Variants in EZH2 observed in about 807,000 individuals in gnomAD.
EZH2 encodes the protein enhancer of zeste 2 polycomb repressive complex 2 subunit, also known as histone-lysine N-methyltransferase EZH2.
A neutral mutation model predicts 98.4 loss-of-function variants in EZH2; 18 were observed. The ratio of observed to expected loss-of-function variants is 0.18; its 90% CI spans 0.13 to 0.27. EZH2 has a LOEUF of 0.27. Ranked by LOEUF, EZH2 falls within the 10% of genes least tolerant of loss-of-function variation. The probability of loss-of-function intolerance (pLI) is 1.00; values close to 1 mark genes in which losing one functional copy is unlikely to be tolerated. For synonymous variants in EZH2, 338 were observed against 312.3 expected (o/e 1.08, Z -0.87); for missense variants, 470 against 935.1 (o/e 0.50, Z 6.49).
chr7:148,830,755 T>C (rs954229181), intron 4 of EZH2, among the ~76,000 whole-genome samples: 1 of 152,156 alleles, frequency 6.6e-6, no homozygotes, highest in African/African-American at 2.4e-5. Flanking sequence ...AAACAAAAGT[T>C]AAGACAGAAT....
intron 1 of EZH2, among the ~76,000 whole-genome samples, chr7:148,875,467 A>C (rs1447126841): frequency 6.6e-6 from 1 of 152,224 alleles, no homozygotes; most frequent in Non-Finnish European, 1.5e-5. Flanking sequence ...GCTTGAACCA[A>C]AAAAAGTACA....
At chr7:148,855,897 C>CAAAA (rs34692092) in intron 1 of EZH2, among the ~76,000 whole-genome samples, 33 of 40,912 alleles carry the variant, frequency 8.1e-4, no homozygotes, top group Admixed American at 1.8e-3. Context: ...GACTCCATCT[C>CAAAA]AAAAAAAAAA....
At chr7:148,861,836 G>A (rs1371038309) in intron 1 of EZH2, among the ~76,000 whole-genome samples, 1 of 151,258 alleles carries the variant, frequency 6.6e-6, no homozygotes, top group Non-Finnish European at 1.5e-5. Flanking sequence ...TTAGTAAGTG[G>A]TGCTTTACAT....
chr7:148,877,542 C>CAGAT (rs1330508728), intron 1 of EZH2, among the ~76,000 whole-genome samples: 1 of 152,200 alleles, frequency 6.6e-6, no homozygotes, highest in East Asian at 1.9e-4. Context: ...ACCACCTTAT[C>CAGAT]AGATGTTATC....
At chr7:148,842,279 T>G (rs572212673) in intron 3 of EZH2, among the ~76,000 whole-genome samples, 1 of 152,246 alleles carries the variant, frequency 6.6e-6, no homozygotes, top group South Asian at 2.1e-4. Context: ...TGATATGAAG[T>G]CAGTGAAGGA....
rs1807759901 is a variant in EZH2, at chr7:148,826,464, C to T, written c.897G>A (p.Lys299=). The change falls in exon 8 of 20, where the codon AAG becomes AAA. Residue 299 remains lysine (K), a synonymous_variant. Transcript: ENST00000320356. ...AAAATGAAAACGTACAATAATTGCA[C>T]TTACGATGTAGGAAGCAGTCATATT... ...CFKYDCFLHR[K]CNYSFHATPN... 6.3e-7 allele frequency: 1 copy of T among 1,578,036 alleles called. No individual in the cohort carries two copies. The highest frequency in any genetic ancestry group is 8.6e-7 in the Non-Finnish European group (1 of 1,160,258).
chr7:148,842,739 CA>C (rs376533541), intron 3 of EZH2, among the ~76,000 whole-genome samples: 5 of 146,074 alleles, frequency 3.4e-5, no homozygotes, highest in Non-Finnish European at 6.1e-5. Context: ...ATCTCAAAAA[CA>C]AAAAAAAAAG....
intron 1 of EZH2, among the ~76,000 whole-genome samples, chr7:148,874,732 T>C (rs1349621496): frequency 6.6e-6 from 1 of 152,076 alleles, no homozygotes; most frequent in Non-Finnish European, 1.5e-5. Flanking sequence ...AAATAGTGTA[T>C]AGAAACCAAG....
rs555665827 is a variant in EZH2 at position 148,881,827 on chromosome 7, G to A, written c.-8+2337C>T. ...TGCGTGCCTGTAGTTCCAGCTACTC[G>A]GGAGGCTGAGGCAGGGGAATTCCTT... On this transcript the variant is annotated intron_variant, in intron 1 of 19. Coordinates refer to ENST00000320356, the MANE Select transcript of EZH2 (RefSeq NM_004456.5). 2.6e-5 allele frequency among the ~76,000 whole-genome samples: 4 copies of A among 151,680 alleles called. No individual in the cohort carries two copies. In the South Asian group the frequency reaches 6.3e-4, roughly 24 times the overall value.
chr7:148,863,576 C>T (rs2129488667), intron 1 of EZH2, among the ~76,000 whole-genome samples: 1 of 152,272 alleles, frequency 6.6e-6, no homozygotes, highest in South Asian at 2.1e-4. Flanking sequence ...AACCATCTCC[C>T]TAAATACTCA....
intron 4 of EZH2, 91 bp from the exon 5 acceptor site, chr7:148,829,939 G>C: frequency 1.1e-6 from 1 of 904,078 alleles, no homozygotes; most frequent in Non-Finnish European, 1.6e-6. Flanking sequence ...ATGTGTACAT[G>C]TCTTTACCCA....
chr7:148,824,435 T>C (rs753897400), intron 8 of EZH2, among the ~76,000 whole-genome samples: 3 of 152,226 alleles, frequency 2.0e-5, no homozygotes, highest in Non-Finnish European at 4.4e-5. Flanking sequence ...GTATTTTTAC[T>C]GTATATTTTC....
chr7:148,811,807 C>T, intron 15 of EZH2, 87 bp from the exon 16 acceptor site: 1 of 1,147,338 alleles, frequency 8.7e-7, no homozygotes, highest in Non-Finnish European at 1.3e-6. Flanking sequence ...AAAACAAAAG[C>T]TATCACTGTA....
chr7:148,812,697 G>A lies in EZH2; in HGVS notation c.1852-977C>T, dbSNP rs116855240. Among the ~76,000 whole-genome samples, 631 of 152,284 alleles carry A rather than the reference G, an allele frequency of 4.1e-3. 2 individuals carry two copies. The highest frequency in any genetic ancestry group is 6.6e-3 in the Non-Finnish European group (451 of 68,032). On this transcript the variant is annotated intron_variant, in intron 15 of 19. Coordinates refer to ENST00000320356, the MANE Select transcript of EZH2 (RefSeq NM_004456.5). ...AAGTGAGGAAGGAGTACAATGGTAA[G>A]TTGTTTGGGGGGGAAATTGAGATTT...
At chr7:148,883,037 A>AC (rs757969637) in intron 1 of EZH2, among the ~76,000 whole-genome samples, 3 of 152,144 alleles carry the variant, frequency 2.0e-5, no homozygotes, top group Non-Finnish European at 2.9e-5. Flanking sequence ...TACTTCTACC[A>AC]CCTCATCCTC....
intron 1 of EZH2, among the ~76,000 whole-genome samples, chr7:148,862,895 GTTT>G (rs914743757): frequency 2.0e-5 from 3 of 149,542 alleles, no homozygotes; most frequent in Admixed American, 6.8e-5. Context: ...GTCCAACATG[GTTT>G]TTTTGTTTGT....
At chr7:148,858,022 GTGGCT>G (rs1346351966) in intron 1 of EZH2, among the ~76,000 whole-genome samples, 1 of 151,184 alleles carries the variant, frequency 6.6e-6, no homozygotes, top group East Asian at 1.9e-4. Flanking sequence ...GCCAGGCGCA[GTGGCT>G]CACGCCTATA....
intron 6 of EZH2, among the ~76,000 whole-genome samples, chr7:148,828,307 T>C (rs534924894): frequency 6.6e-6 from 1 of 152,288 alleles, no homozygotes; most frequent in East Asian, 1.9e-4. Context: ...ACAAAGATAC[T>C]CAAGTGAAGA....
At chr7:148,840,311 G>T (rs1219209712) in intron 3 of EZH2, among the ~76,000 whole-genome samples, 2 of 152,090 alleles carry the variant, frequency 1.3e-5, no homozygotes. Context: ...ATAAATTATG[G>T]TATATCCATA....
Sources: gnomAD v4.1 joint callset for allele counts (sites outside exome capture counted in the v4.1 genomes callset) on GRCh38, gnomAD v4.1.1 for gene constraint, MANE v1.5 for transcripts, NCBI Gene and HGNC (gene_info 2026-07-23, HGNC 2026-07-21) for gene names.